Variants in TMC1 observed in about 807,000 individuals in gnomAD.
The protein encoded by TMC1 is transmembrane channel-like protein 1.
Under a neutral mutation model 105.8 loss-of-function variants are expected in TMC1, and 84 were observed. The observed-to-expected ratio is 0.79, with a 90% confidence interval of 0.67 to 0.95. The LOEUF (loss-of-function observed/expected upper bound fraction) is 0.95, where lower values mean the gene tolerates loss of function less well. Among genes scored for constraint, TMC1 ranks in the 40% least tolerant of loss-of-function variants. The pLI, the probability that TMC1 is intolerant of heterozygous loss-of-function variation, is 0.00. For synonymous variants in TMC1, 315 were observed against 311.5 expected (o/e 1.01, Z -0.12); for missense variants, 817 against 914.1 (o/e 0.89, Z 1.37).
intron 1 of TMC1, among the ~76,000 whole-genome samples, chr9:72,558,951 C>A (rs1441829572): frequency 6.6e-6 from 1 of 151,980 alleles, no homozygotes; most frequent in East Asian, 1.9e-4. Context: ...TAAAAACATA[C>A]TTTTCTTTCC....
chr9:72,775,211 G>A (rs1237567985), intron 13 of TMC1, among the ~76,000 whole-genome samples: 1 of 151,740 alleles, frequency 6.6e-6, no homozygotes, highest in African/African-American at 2.4e-5. Flanking sequence ...TTGGTTTTAA[G>A]TCCTTCCCTT....
At chr9:72,816,366 T>G (rs2118284989) in intron 19 of TMC1, among the ~76,000 whole-genome samples, 156 bp downstream of exon 19, 1 of 152,334 alleles carries the variant, frequency 6.6e-6, no homozygotes, top group East Asian at 1.9e-4. Flanking sequence ...TTTCCTTTTC[T>G]TTCATATCTT....
chr9:72,788,561 T>C, intron 14 of TMC1, 78 bp downstream of exon 14: 2 of 1,413,708 alleles, frequency 1.4e-6, no homozygotes, highest in Non-Finnish European at 2.0e-6. Context: ...GGTCCAGTAG[T>C]GCAGTATCTT....
intron 5 of TMC1, among the ~76,000 whole-genome samples, chr9:72,661,326 C>A (rs117024460): frequency 6.6e-6 from 1 of 152,216 alleles, no homozygotes; most frequent in East Asian, 1.9e-4. Context: ...GGCATTTATA[C>A]TTCTCAAGCA....
chr9:72,805,092 A>T (rs1451618413), intron 17 of TMC1, among the ~76,000 whole-genome samples: 1 of 152,218 alleles, frequency 6.6e-6, no homozygotes, highest in African/African-American at 2.4e-5. Context: ...AAAATTTTAA[A>T]CTGCTGTGTG....
chr9:72,728,874 G>T (rs1002921999), intron 8 of TMC1, among the ~76,000 whole-genome samples: 1 of 151,784 alleles, frequency 6.6e-6, no homozygotes, highest in African/African-American at 2.4e-5. Flanking sequence ...GATCTAGTGT[G>T]CTTTTATTTT....
intron 3 of TMC1, among the ~76,000 whole-genome samples, chr9:72,624,111 G>A (rs1326883438): frequency 6.6e-6 from 1 of 152,136 alleles, no homozygotes; most frequent in Non-Finnish European, 1.5e-5. Flanking sequence ...TCAAGGTCTT[G>A]GCATCAGATT....
chr9:72,659,181 C>T (rs1825931646), intron 5 of TMC1, among the ~76,000 whole-genome samples: 6 of 152,126 alleles, frequency 3.9e-5, no homozygotes, highest in Admixed American at 3.9e-4. Context: ...TGTGAGATTA[C>T]AGTTTTAATA....
chr9:72,819,054 G>A (rs1215860017), intron 19 of TMC1, among the ~76,000 whole-genome samples: 1 of 152,154 alleles, frequency 6.6e-6, no homozygotes, highest in African/African-American at 2.4e-5. Context: ...AGGTTATGCA[G>A]CAATGAAACA....
chr9:72,759,201 C>T (rs1392128645), intron 12 of TMC1, among the ~76,000 whole-genome samples: 1 of 151,954 alleles, frequency 6.6e-6, no homozygotes, highest in Admixed American at 6.6e-5. Context: ...TGAGTGTGCT[C>T]GAACAGACTG....
intron 22 of TMC1, 26 bp from the exon 23 acceptor site, chr9:72,830,605 T>C (rs1386640075): frequency 1.2e-6 from 2 of 1,612,650 alleles, no homozygotes; most frequent in Admixed American, 1.7e-5. Flanking sequence ...AAATCTACTT[T>C]TTTCCCCTTA....
At chr9:72,525,046 G>A (rs1323460966) in intron 1 of TMC1, among the ~76,000 whole-genome samples, 1 of 152,120 alleles carries the variant, frequency 6.6e-6, no homozygotes, top group Non-Finnish European at 1.5e-5. Context: ...CCAGAAGGCC[G>A]GCTTCAAGGA....
intron 1 of TMC1, among the ~76,000 whole-genome samples, chr9:72,573,366 G>A (rs1824321034): frequency 6.6e-6 from 1 of 152,108 alleles, no homozygotes; most frequent in African/African-American, 2.4e-5. Context: ...CCTCTAAATA[G>A]GGGTGCTAGG....
At chr9:72,706,669 T>C (rs550957783) in intron 8 of TMC1, among the ~76,000 whole-genome samples, 12 of 152,244 alleles carry the variant, frequency 7.9e-5, no homozygotes, top group African/African-American at 2.7e-4. Context: ...TGAGAACATA[T>C]GATATTTGGT....
At chr9:72,556,504 GCCAAAAGCA>G (rs1823943167) in intron 1 of TMC1, among the ~76,000 whole-genome samples, 1 of 151,548 alleles carries the variant, frequency 6.6e-6, no homozygotes, top group African/African-American at 2.4e-5. Flanking sequence ...ACTCCTGCTT[GCCAAAAGCA>G]TACTCTCTAA....
chr9:72,597,623 T>A (rs1007355508), intron 2 of TMC1, among the ~76,000 whole-genome samples: 9 of 152,228 alleles, frequency 5.9e-5, no homozygotes, highest in African/African-American at 2.2e-4. Flanking sequence ...CTGGCAATGA[T>A]ACCTCTCACA....
intron 2 of TMC1, among the ~76,000 whole-genome samples, chr9:72,583,608 A>C (rs563846122): frequency 1.3e-5 from 2 of 152,348 alleles, no homozygotes; most frequent in Admixed American, 1.3e-4. Flanking sequence ...GCTTCCCTCA[A>C]GCAATGGCAT....
intron 2 of TMC1, among the ~76,000 whole-genome samples, chr9:72,597,160 C>G (rs1379339843): frequency 1.3e-5 from 2 of 152,174 alleles, no homozygotes; most frequent in South Asian, 4.1e-4. Flanking sequence ...TTGTAAAATA[C>G]TTTCTAATGC....
At chr9:72,529,527 T>C (rs1159250075) in intron 1 of TMC1, among the ~76,000 whole-genome samples, 1 of 152,132 alleles carries the variant, frequency 6.6e-6, no homozygotes, top group Non-Finnish European at 1.5e-5. Flanking sequence ...TGTATATACA[T>C]ATGTGTTTAG....
Sources: allele counts gnomAD v4.1 joint callset (sites outside exome capture counted in the v4.1 genomes callset), GRCh38; gene constraint gnomAD v4.1.1; transcripts MANE v1.5; gene names NCBI Gene and HGNC (gene_info 2026-07-23, HGNC 2026-07-21).